TENM2: variants seen among roughly 807,000 people sequenced by gnomAD.
The protein encoded by TENM2 is teneurin-2.
Under a neutral mutation model 245.2 loss-of-function variants are expected in TENM2, and 52 were observed. The observed-to-expected ratio is 0.21, with a 90% CI of 0.17 to 0.27. The LOEUF (loss-of-function observed/expected upper bound fraction) is 0.27, where lower values mean the gene tolerates loss of function less well. Among genes scored for constraint, TENM2 ranks in the 10% least tolerant of loss-of-function variants. The pLI, the probability that TENM2 is intolerant of heterozygous loss-of-function variation, is 1.00. For synonymous variants in TENM2, 1,363 were observed against 1,438.9 expected, an observed-to-expected ratio of 0.95 and a Z score of 1.19; for missense variants, 3,046 against 3,666.8, an observed-to-expected ratio of 0.83 and a Z score of 4.37.
At chr5:168,098,005 C>G in intron 8 of TENM2, 21 bp from the exon 11 acceptor site, 2 of 1,576,764 alleles carry the variant, frequency 1.3e-6, no homozygotes, top group African/African-American at 1.3e-5. Flanking sequence ...AAGGTAAACA[C>G]TACATTTATC....
chr5:167,576,178 A>C (rs572021902), intron 2 of TENM2, among the ~76,000 whole-genome samples: 1 of 152,384 alleles, frequency 6.6e-6, no homozygotes, highest in Non-Finnish European at 1.5e-5. Flanking sequence ...TAAAGTAAGC[A>C]GAAATAATTT....
At chr5:167,341,390 A>G (rs1758089077) in intron 1 of TENM2, among the ~76,000 whole-genome samples, 1 of 152,188 alleles carries the variant, frequency 6.6e-6, no homozygotes, top group African/African-American at 2.4e-5. Context: ...GGCAAAGTTT[A>G]TCCATAGATT....
intron 1 of TENM2, among the ~76,000 whole-genome samples, chr5:167,357,300 C>CT (rs11442891): frequency 0.93 from 130,887 of 140,038 alleles, 61,151 homozygotes; most frequent in African/African-American, 0.96. Flanking sequence ...GCCATCCTTT[C>CT]TTTTTTTTTT....
the TENM2 span, among the ~76,000 whole-genome samples, chr5:167,138,823 A>C: frequency 6.6e-6 from 1 of 152,020 alleles, no homozygotes; most frequent in Admixed American, 6.6e-5. Flanking sequence ...GCGTTTCACC[A>C]TGTTGGCCAG....
intron 1 of TENM2, among the ~76,000 whole-genome samples, chr5:167,356,426 C>A (rs1383819466): frequency 6.6e-6 from 1 of 151,788 alleles, no homozygotes; most frequent in African/African-American, 2.4e-5. Flanking sequence ...AACCTCCTCT[C>A]GGAATGCTAA....
At chr5:167,265,684 G>T in the TENM2 span, among the ~76,000 whole-genome samples, 2 of 152,118 alleles carry the variant, frequency 1.3e-5, no homozygotes, top group African/African-American at 4.8e-5. Flanking sequence ...CTGTATTGCT[G>T]CGTTATTGTC....
intron 1 of TENM2, among the ~76,000 whole-genome samples, chr5:167,304,950 C>G (rs1755581314): frequency 6.6e-6 from 1 of 152,172 alleles, no homozygotes; most frequent in Non-Finnish European, 1.5e-5. Context: ...GAACCAGCCA[C>G]ACTGCCATGT....
At position 167,407,589 on chromosome 5, in the gene TENM2, G is replaced by A. The variant is rs182080827; in HGVS notation, c.502+32116G>A. ...TCCCAGCACTTTGGGAGGCTGAGGC[G>A]GGCAGATCACCTGAGGTCAGGAGTT... On this transcript the variant is annotated intron_variant, in intron 2 of 28. Transcript: ENST00000518659. Among the ~76,000 whole-genome samples, 238 of 152,224 alleles carry A rather than the reference G, an allele frequency of 1.6e-3. 1 individual carries two copies. The highest frequency in any genetic ancestry group is 5.1e-3 in the African/African-American group (212 of 41,564).
the TENM2 span, among the ~76,000 whole-genome samples, chr5:167,071,878 G>GGCCCCCCCCCCCCC: frequency 2.4e-5 from 3 of 124,024 alleles, no homozygotes; most frequent in Non-Finnish European, 3.4e-5. Flanking sequence ...TTGACAAATC[G>GGCCCCCCCCCCCCC]CCCCCCCCCG....
chr5:167,321,296 G>T (rs1000077238), intron 1 of TENM2, among the ~76,000 whole-genome samples: 1 of 152,062 alleles, frequency 6.6e-6, no homozygotes, highest in Non-Finnish European at 1.5e-5. Context: ...GGCATTTTGG[G>T]GCTGTTCAGG....
chr5:167,044,028 G>A, the TENM2 span, among the ~76,000 whole-genome samples: 1 of 45,898 alleles, frequency 2.2e-5, no homozygotes, highest in Admixed American at 1.5e-4. Flanking sequence ...CAAATAAATA[G>A]TAAGGACAGA....
At chr5:167,496,026 G>A (rs1286844745) in intron 2 of TENM2, among the ~76,000 whole-genome samples, 1 of 152,060 alleles carries the variant, frequency 6.6e-6, no homozygotes, top group East Asian at 1.9e-4. Flanking sequence ...CCTAGTGCAA[G>A]CAAAGGAAAG....
At chr5:167,421,048 A>G (rs1763474681) in intron 2 of TENM2, among the ~76,000 whole-genome samples, 1 of 152,200 alleles carries the variant, frequency 6.6e-6, no homozygotes, top group Non-Finnish European at 1.5e-5. Flanking sequence ...AGGCACCAGC[A>G]TAGTAAGAAT....
At chr5:167,455,396 ATG>A (rs2127482689) in intron 2 of TENM2, among the ~76,000 whole-genome samples, 1 of 151,632 alleles carries the variant, frequency 6.6e-6, no homozygotes, top group Non-Finnish European at 1.5e-5. Flanking sequence ...GTATGATGAA[ATG>A]CTTCATTTCT....
chr5:167,428,594 C>CA (rs1178934637), intron 2 of TENM2, among the ~76,000 whole-genome samples: 1 of 151,976 alleles, frequency 6.6e-6, no homozygotes, highest in Admixed American at 6.6e-5. Flanking sequence ...TGTGCCTTTG[C>CA]AAAAAGTAAA....
exon 29 of TENM2, chr5:168,262,925 A>G (rs1261504671): frequency 2.1e-6 from 2 of 967,246 alleles, no homozygotes; most frequent in East Asian, 2.7e-5. Flanking sequence ...GCTTTAGGAG[A>G]CCAAGTGGCA....
intron 27 of TENM2, among the ~76,000 whole-genome samples, chr5:168,252,711 G>A (rs527471265): frequency 3.9e-5 from 6 of 151,920 alleles, no homozygotes; most frequent in East Asian, 2.0e-4. Context: ...GCCAGGCATC[G>A]TGGCAGGCAC....
chr5:167,225,997 T>C, the TENM2 span, among the ~76,000 whole-genome samples: 1 of 151,940 alleles, frequency 6.6e-6, no homozygotes, highest in Non-Finnish European at 1.5e-5. Flanking sequence ...ATTTTTGTTG[T>C]ATCAGTTGTA....
chr5:166,979,239 G>A, the TENM2 span, among the ~76,000 whole-genome samples: 1 of 151,738 alleles, frequency 6.6e-6, no homozygotes, highest in East Asian at 1.9e-4. Flanking sequence ...AGCAGCAGCC[G>A]CCGCGGCAAC....
Sources: allele counts gnomAD v4.1 joint callset (sites outside exome capture counted in the v4.1 genomes callset), GRCh38; gene constraint gnomAD v4.1.1; transcripts MANE v1.5; gene names NCBI Gene and HGNC (gene_info 2026-07-23, HGNC 2026-07-21).